Variants in ADGRE3 observed in about 807,000 individuals in gnomAD.
ADGRE3 encodes EGF-like module receptor 3.
A neutral mutation model predicts 80.1 loss-of-function variants in ADGRE3; 88 were observed. The observed-to-expected ratio is 1.10, with a 90% CI of 0.93 to 1.31. The LOEUF (loss-of-function observed/expected upper bound fraction) is 1.31, where lower values mean the gene tolerates loss of function less well. ADGRE3 is among the 40% of genes most tolerant of loss of function. The probability of loss-of-function intolerance (pLI) is 0.00; values close to 1 mark genes in which losing one functional copy is unlikely to be tolerated. For synonymous variants in ADGRE3, 281 were observed against 294.8 expected, an observed-to-expected ratio of 0.95 and a Z score of 0.48; for missense variants, 715 against 776.5, an observed-to-expected ratio of 0.92 and a Z score of 0.94.
chr19:14,649,052 A>C, intron 7 of ADGRE3, among the ~76,000 whole-genome samples: 1 of 128,748 alleles, frequency 7.8e-6, no homozygotes, highest in African/African-American at 3.1e-5. Context: ...ATCTCTCCCC[A>C]TCTCTCTAAT....
At chr19:14,657,090 T>G (rs2146882265) in intron 5 of ADGRE3, among the ~76,000 whole-genome samples, 1 of 151,946 alleles carries the variant, frequency 6.6e-6, no homozygotes, top group Non-Finnish European at 1.5e-5. Flanking sequence ...GACATGGGGG[T>G]TTCATCATGT....
the ADGRE3 span, among the ~76,000 whole-genome samples, chr19:14,604,685 C>A: frequency 2.6e-5 from 4 of 151,780 alleles, no homozygotes; most frequent in African/African-American, 9.7e-5. Flanking sequence ...ATCGCTTGAA[C>A]CTGCGAGGCG....
the ADGRE3 span, among the ~76,000 whole-genome samples, chr19:14,607,644 C>T: frequency 6.6e-6 from 1 of 151,792 alleles, no homozygotes; most frequent in East Asian, 1.9e-4. Flanking sequence ...GGTGCGATCT[C>T]AGCTCACTGT....
Position 14,665,963 on chromosome 19 carries a change from T to C in ADGRE3, c.77-2423A>G, listed in dbSNP as rs1398041748. Among the ~76,000 whole-genome samples, 27 of 127,358 alleles carry C rather than the reference T, an allele frequency of 2.1e-4. 2 individuals carry two copies. Among genetic ancestry groups the C allele is most frequent in the Non-Finnish European group, 1.7e-4 (10 of 58,642 alleles). 83.6% of individuals were successfully genotyped at this position (127,358 alleles called of 152,430 possible). A position where few individuals can be genotyped will look rare whatever the true frequency, so the allele number is the denominator to read the frequency against. The stretch of plus-strand genomic sequence containing the variant: ...ATATATATATATATATATATATATA[T>C]ATATATATATATATAGTGTTTTCTT... On this transcript the variant is annotated intron_variant, in intron 2 of 15. Coordinates refer to ENST00000253673, the MANE Select transcript of ADGRE3 (RefSeq NM_032571.5).
the ADGRE3 span, among the ~76,000 whole-genome samples, chr19:14,612,394 G>A: frequency 6.6e-6 from 1 of 152,088 alleles, no homozygotes; most frequent in Non-Finnish European, 1.5e-5. Context: ...GGAGTGCAGT[G>A]GTGTGATCTC....
chr19:14,631,613 AAT>A (rs1346442251), intron 13 of ADGRE3, among the ~76,000 whole-genome samples: 1 of 151,664 alleles, frequency 6.6e-6, no homozygotes, highest in African/African-American at 2.4e-5. Flanking sequence ...ATATGTATAG[AAT>A]ATATTATATG....
Position 14,619,936 on chromosome 19 carries a change from A to AAC in ADGRE3, c.1921-466_1921-465insGT, listed in dbSNP as rs1375821614. Among the ~76,000 whole-genome samples the AAC allele has an allele frequency of 3.3e-5, 5 of 152,326 alleles. No individual in the cohort carries two copies. In the East Asian group the frequency reaches 9.6e-4, roughly 29 times the overall value. On this transcript the variant is annotated intron_variant, in intron 15 of 15. Transcript: ENST00000253673. ...ATCTCCTGAAGAAGCCTATGAGGTT[A>AAC]GTGCTTCCTAGCCTAGTTATAAGAG...
chr19:14,650,629 A>ATCTCTC (rs376333448), intron 7 of ADGRE3, among the ~76,000 whole-genome samples: 8 of 24,908 alleles, frequency 3.2e-4, no homozygotes, highest in Admixed American at 8.0e-4. Flanking sequence ...CTCTGTCTCC[A>ATCTCTC]TCTCTCTCTC....
In ADGRE3 at chr19:14,651,225, C is replaced by T. The variant is rs777460623; in HGVS notation, c.578-21G>A. On this transcript the variant is annotated intron_variant, in intron 6 of 15. Coordinates refer to ENST00000253673, the MANE Select transcript of ADGRE3 (RefSeq NM_032571.5). The stretch of plus-strand genomic sequence containing the variant: ...AATAGCTGGTAAGAAAAGCAATGGG[C>T]AGGCTTAGTGATATTGTAAGAAACT... The T allele has an allele frequency of 1.9e-6, 3 of 1,613,620 alleles. No homozygotes were observed. In the African/African-American group the frequency reaches 4.0e-5, roughly 22 times the overall value.
In ADGRE3 at chr19:14,619,204, T is replaced by C. The variant is rs2075102081; in HGVS notation, c.*229A>G. The stretch of plus-strand genomic sequence containing the variant: ...ATATTTGCAGTGGTCATGCTTTGGG[T>C]TTCCAGGGACAAGCATTGACTGAAT... On this transcript the variant is annotated 3_prime_UTR_variant, in exon 16 of 16. Transcript: ENST00000253673. 1 of 514,110 alleles carries C rather than the reference T, an allele frequency of 1.9e-6. No homozygotes were observed. Among genetic ancestry groups the C allele is most frequent in the East Asian group, 3.5e-5 (1 of 28,398 alleles). 31.8% of individuals were successfully genotyped at this position (514,110 alleles called of 1,614,324 possible).
intron 14 of ADGRE3, among the ~76,000 whole-genome samples, chr19:14,626,674 G>A (rs1221463833): frequency 6.6e-6 from 1 of 152,216 alleles, no homozygotes; most frequent in Non-Finnish European, 1.5e-5. Context: ...GTAGGGCAAT[G>A]AGGAAGCAGG....
At chr19:14,658,298 A>G (rs942698508) in intron 5 of ADGRE3, among the ~76,000 whole-genome samples, 4 of 150,422 alleles carry the variant, frequency 2.7e-5, no homozygotes, top group Non-Finnish European at 4.4e-5. Flanking sequence ...TAATATATGA[A>G]TATGTACTAT....
In ADGRE3 at chr19:14,647,226, G is replaced by A. The variant is rs770652590; in HGVS notation, c.837C>T (p.Asn279=). Residue 279 remains asparagine (N), a synonymous_variant, in exon 8 of 16, where the codon AAC becomes AAT. Coordinates refer to ENST00000253673, the MANE Select transcript of ADGRE3 (RefSeq NM_032571.5). ...VVSAAIGPKR[N]VSLSKSVTLT... ...GCGTCACAGACTTGGAGAGAGACAC[G>A]TTCCTTTTGGGTCCAATAGCAGCAC... The A allele has an allele frequency of 6.8e-6, 11 of 1,613,916 alleles. No homozygotes were observed. The highest frequency in any genetic ancestry group is 9.3e-6 in the Non-Finnish European group (11 of 1,179,934).
downstream of ADGRE3, among the ~76,000 whole-genome samples, chr19:14,614,617 C>T (rs895958254): frequency 5.3e-5 from 8 of 151,630 alleles, no homozygotes; most frequent in African/African-American, 1.7e-4. Context: ...CACTCTGTCT[C>T]CCAGGCTGGA....
At chr19:14,628,073 G>C (rs1449682922) in intron 14 of ADGRE3, among the ~76,000 whole-genome samples, 1 of 151,822 alleles carries the variant, frequency 6.6e-6, no homozygotes, top group Non-Finnish European at 1.5e-5. Flanking sequence ...TGTCGTGGTG[G>C]GCTGAGGTCG....
chr19:14,600,123 C>T, the ADGRE3 span: 37 of 1,613,976 alleles, frequency 2.3e-5, no homozygotes, highest in East Asian at 2.0e-4. Flanking sequence ...GGATGAGGCC[C>T]GGATGTTCTG....
intron 4 of ADGRE3, among the ~76,000 whole-genome samples, chr19:14,660,290 T>C (rs1328501424): frequency 1.3e-5 from 2 of 152,144 alleles, no homozygotes; most frequent in East Asian, 3.8e-4. Context: ...AGAATCACAG[T>C]CTGCTTCTAC....
chr19:14,636,814 C>T (rs1388130106), intron 11 of ADGRE3, among the ~76,000 whole-genome samples: 1 of 152,068 alleles, frequency 6.6e-6, no homozygotes, highest in Non-Finnish European at 1.5e-5. Flanking sequence ...GAAGTTTCAG[C>T]CAGGTGTGGT....
At chr19:14,606,265 T>C in the ADGRE3 span, among the ~76,000 whole-genome samples, 1 of 151,860 alleles carries the variant, frequency 6.6e-6, no homozygotes, top group Non-Finnish European at 1.5e-5. Flanking sequence ...CAGTGGCTCA[T>C]GCCTGTAATC....
Sources: gnomAD v4.1 joint callset for allele counts (sites outside exome capture counted in the v4.1 genomes callset) on GRCh38, gnomAD v4.1.1 for gene constraint, MANE v1.5 for transcripts, NCBI Gene and HGNC (gene_info 2026-07-23, HGNC 2026-07-21) for gene names.